Variants in PTBP3 observed in about 807,000 individuals in gnomAD.
PTBP3 encodes polypyrimidine tract-binding protein 3.
A neutral mutation model predicts 58.7 loss-of-function variants in PTBP3; 20 were observed. The ratio of observed to expected loss-of-function variants is 0.34; its 90% CI spans 0.24 to 0.50. The LOEUF (loss-of-function observed/expected upper bound fraction) is 0.50, where lower values mean the gene tolerates loss of function less well. Among genes scored for constraint, PTBP3 ranks in the 20% least tolerant of loss-of-function variants. The pLI is 0.98. For missense variants in PTBP3, 509 were observed against 637.2 expected (o/e 0.80, Z 2.17); for synonymous variants, 185 against 219.8 (o/e 0.84, Z 1.40).
chr9:112,240,791 T>A (rs995775954), intron 7 of PTBP3, among the ~76,000 whole-genome samples: 2 of 152,038 alleles, frequency 1.3e-5, no homozygotes, highest in African/African-American at 4.8e-5. Context: ...TGGGACAAGA[T>A]GTAGAAGTAG....
chr9:112,315,328 T>A (rs2132411053), intron 1 of PTBP3, among the ~76,000 whole-genome samples: 1 of 151,082 alleles, frequency 6.6e-6, no homozygotes, highest in Non-Finnish European at 1.5e-5. Context: ...CAAAAAGATA[T>A]CTGGAAAACC....
At chr9:112,257,394 G>GAT (rs1036648170) in intron 5 of PTBP3, among the ~76,000 whole-genome samples, 3 of 152,056 alleles carry the variant, frequency 2.0e-5, no homozygotes, top group South Asian at 2.1e-4. Flanking sequence ...AGGAAGGTTT[G>GAT]ATATATATAT....
intron 4 of PTBP3, among the ~76,000 whole-genome samples, chr9:112,263,081 G>A (rs1313892346): frequency 2.6e-5 from 4 of 152,122 alleles, no homozygotes; most frequent in African/African-American, 9.7e-5. Flanking sequence ...TTTGTTTTGG[G>A]GCAGGGGGAG....
rs142459267 is a variant in PTBP3 at position 112,223,951 on chromosome 9, C to G, written c.1475G>C (p.Gly492Ala). 2 of 1,613,222 alleles carry G rather than the reference C, an allele frequency of 1.2e-6. No homozygotes were observed. Among genetic ancestry groups the G allele is most frequent in the Non-Finnish European group, 8.5e-7 (1 of 1,179,582 alleles). ...GGCCTGAATTGCTTCTTCCACAGAT[C>G]CCAATTGAATGAGCGCCATTTTGCG... ...KDRKMALIQL[G>A]SVEEAIQALI... Residue 492 changes from glycine to alanine, a missense_variant, in exon 14 of 14, where the codon GGA becomes GCA. Physicochemically the swap from Gly to Ala is moderately conservative, Grantham distance 60. Around this residue, in one of 4 missense-constraint regions of PTBP3, gnomAD observed 135 missense variants for 229.0 expected, o/e 0.59. Coordinates refer to ENST00000374257, the MANE Select transcript of PTBP3 (RefSeq NM_001163788.4).
At chr9:112,318,277 A>C (rs1451419509) in intron 1 of PTBP3, among the ~76,000 whole-genome samples, 1 of 152,170 alleles carries the variant, frequency 6.6e-6, no homozygotes, top group African/African-American at 2.4e-5. Flanking sequence ...AATCCTAAGA[A>C]ATTTACCCAA....
At chr9:112,340,761 C>T in the PTBP3 span, among the ~76,000 whole-genome samples, 749 of 152,138 alleles carry the variant, frequency 4.9e-3, 3 homozygotes, top group Non-Finnish European at 8.2e-3. Flanking sequence ...CGCCTGTAAT[C>T]TCAGCTACTC....
At position 112,218,616 on chromosome 9, in the gene PTBP3, G is replaced by A. The variant is rs1185146330; in HGVS notation, c.*5235C>T. On this transcript the variant is annotated 3_prime_UTR_variant, in exon 14 of 14. Transcript: ENST00000374257. Reference sequence around the variant, plus strand: ...CATGCACTACGCATTTAGAAAATATGTTTTTTAATATTTTATCTTCTCTTT... The same window carrying A: ...CATGCACTACGCATTTAGAAAATATATTTTTTAATATTTTATCTTCTCTTT... The A allele has an allele frequency of 1.3e-5, 2 of 152,656 alleles. No homozygotes were observed. The highest frequency in any genetic ancestry group is 2.4e-5 in the African/African-American group (1 of 41,546). The allele number at this position is 152,656 out of a possible 1,614,324, so 9.5% of individuals were successfully genotyped here.
Position 112,329,340 on chromosome 9 carries a change from T to C in PTBP3, c.-52+4130A>G, listed in dbSNP as rs574874022. ...AGGCAGAAGAATCACTTGAACCCCTTTGAAGGTGGAGGTTGTAGTAAGCCA... is the reference window on the plus strand; with the variant it reads ...AGGCAGAAGAATCACTTGAACCCCTCTGAAGGTGGAGGTTGTAGTAAGCCA... On this transcript the variant is annotated intron_variant, in intron 1 of 13. Coordinates refer to ENST00000374257, the MANE Select transcript of PTBP3 (RefSeq NM_001163788.4). Among the ~76,000 whole-genome samples, 14 of 152,060 alleles carry C rather than the reference T, an allele frequency of 9.2e-5. No homozygotes were observed. The South Asian group carries it at 2.7e-3, about 29-fold the overall frequency.
chr9:112,338,871 G>A, the PTBP3 span, among the ~76,000 whole-genome samples: 3 of 152,206 alleles, frequency 2.0e-5, no homozygotes, highest in Non-Finnish European at 2.9e-5. Flanking sequence ...GCCTGGCACA[G>A]AGGACTCATG....
At chr9:112,267,961 G>A in intron 4 of PTBP3, 88 bp downstream of exon 4, 2 of 1,217,870 alleles carry the variant, frequency 1.6e-6, no homozygotes, top group Non-Finnish European at 2.2e-6. Flanking sequence ...ATGAATAAAA[G>A]CACATAATTT....
the PTBP3 span, chr9:112,379,843 T>TGTG: frequency 2.0e-6 from 1 of 512,120 alleles, no homozygotes; most frequent in South Asian, 2.4e-5. Flanking sequence ...GCCCAGACGC[T>TGTG]AGGCGCCGAC....
chr9:112,303,141 C>T (rs1829023990), intron 1 of PTBP3, among the ~76,000 whole-genome samples: 1 of 152,124 alleles, frequency 6.6e-6, no homozygotes, highest in African/African-American at 2.4e-5. Flanking sequence ...ACTCCCCTGT[C>T]ATGTAATTTT....
At chr9:112,228,561 T>TTATACTATC in intron 10 of PTBP3, 89 bp from the exon 11 acceptor site, 1 of 876,542 alleles carries the variant, frequency 1.1e-6, no homozygotes. Context: ...AAGGCATTTC[T>TTATACTATC]TACTCTCCCT....
At chr9:112,256,276 T>TATATAC (rs1454809026) in intron 5 of PTBP3, among the ~76,000 whole-genome samples, 1,366 of 56,658 alleles carry the variant, frequency 0.024, 9 homozygotes, top group African/African-American at 0.065. Context: ...AAACAAAATA[T>TATATAC]ATATATATAT....
the PTBP3 span, among the ~76,000 whole-genome samples, chr9:112,354,919 C>T: frequency 6.6e-6 from 1 of 152,166 alleles, no homozygotes; most frequent in Non-Finnish European, 1.5e-5. Flanking sequence ...AAATGTTTCT[C>T]TTTCTCAGCG....
rs1430785923 is a variant in PTBP3 at position 112,253,188 on chromosome 9, C to A, written c.517-400G>T. Among the ~76,000 whole-genome samples the A allele has an allele frequency of 2.0e-5, 3 of 152,122 alleles. No homozygotes were observed. The South Asian group carries it at 6.2e-4, about 32-fold the overall frequency. On this transcript the variant is annotated intron_variant, in intron 5 of 13. Transcript: ENST00000374257. ...AGAAGATGTTCAACTAGAGGCTGCT[C>A]TATTAATTCACCAAATATTTGGAAA...
chr9:112,221,662 C>CT lies in PTBP3; in HGVS notation c.*2188_*2189insA. 1 of 985,248 alleles carries CT rather than the reference C, an allele frequency of 1.0e-6. No individual in the cohort carries two copies. The allele number at this position is 985,248 out of a possible 1,614,324, so 61.0% of individuals were successfully genotyped here. ...GTAAAAAAACAAAAAACTAAAAACT[C>CT]CCACAACTACATACATGAGTATATC... On this transcript the variant is annotated 3_prime_UTR_variant, in exon 14 of 14. Transcript: ENST00000374257.
At chr9:112,249,087 C>T (rs1278543381) in intron 7 of PTBP3, among the ~76,000 whole-genome samples, 2 of 151,790 alleles carry the variant, frequency 1.3e-5, no homozygotes, top group African/African-American at 4.9e-5. Flanking sequence ...GTATTGAATG[C>T]TTTAAAAAAT....
At chr9:112,349,730 G>A in the PTBP3 span, among the ~76,000 whole-genome samples, 6 of 151,948 alleles carry the variant, frequency 3.9e-5, no homozygotes, top group East Asian at 1.2e-3. Context: ...GTGGTGGCAG[G>A]CGGGGCGCCT....
Sources: allele counts gnomAD v4.1 joint callset (sites outside exome capture counted in the v4.1 genomes callset), GRCh38; gene constraint gnomAD v4.1.1; regional missense constraint gnomAD v4.1.1; transcripts MANE v1.5; gene names NCBI Gene and HGNC (gene_info 2026-07-23, HGNC 2026-07-21).